Variants in BPTF observed in about 807,000 individuals in gnomAD.
BPTF encodes the protein bromodomain PHD finger transcription factor.
In BPTF, 18 loss-of-function variants were observed where a neutral mutation model predicts 292.5. The ratio of observed to expected loss-of-function variants is 0.06; its 90% CI spans 0.04 to 0.09. BPTF has a LOEUF of 0.09. BPTF is among the 10% of genes least tolerant of loss of function. The pLI, the probability that BPTF is intolerant of heterozygous loss-of-function variation, is 1.00. For synonymous variants in BPTF, 1,225 were observed against 1,251.9 expected (o/e 0.98, Z 0.45); for missense variants, 2,726 against 3,498.7 (o/e 0.78, Z 5.57).
At chr17:67,978,912 C>T (rs1555695465) in intron 27 of BPTF, among the ~76,000 whole-genome samples, 1 of 149,060 alleles carries the variant, frequency 6.7e-6, no homozygotes, top group Non-Finnish European at 1.5e-5. Context: ...CACGGTGGCT[C>T]ATGCCTGTAA....
intron 24 of BPTF, 70 bp from the exon 25 acceptor site, chr17:67,964,142 G>A (rs2067781701): frequency 2.0e-6 from 3 of 1,483,360 alleles, no homozygotes; most frequent in Non-Finnish European, 2.7e-6. Context: ...AAATTTTCAG[G>A]TGCATGCTTT....
intron 15 of BPTF, among the ~76,000 whole-genome samples, chr17:67,927,670 C>G (rs577381487): frequency 1.3e-5 from 2 of 152,266 alleles, no homozygotes; most frequent in African/African-American, 4.8e-5. Context: ...GTTTCTGTCT[C>G]CAATAAGCTT....
Position 67,922,824 on chromosome 17 carries a change from G to T in BPTF, c.5558-16G>T. 4.4e-6 allele frequency: 7 copies of T among 1,581,978 alleles called. No homozygotes were observed. Among genetic ancestry groups the T allele is most frequent in the Non-Finnish European group, 6.0e-6 (7 of 1,171,116 alleles). On this transcript the variant is annotated splice_polypyrimidine_tract_variant and intron_variant, in intron 13 of 27. Transcript: ENST00000306378. ...GAAGCAATATTGCTTAAAATATTCT[G>T]ATTTCCTTTCCAAAGAAACGCCTAC... is the stretch of plus-strand genomic sequence containing the variant.
intron 18 of BPTF, among the ~76,000 whole-genome samples, chr17:67,934,954 A>G (rs560216054): frequency 3.3e-5 from 5 of 152,170 alleles, no homozygotes; most frequent in African/African-American, 7.2e-5. Flanking sequence ...TTACAAAACA[A>G]TTCTCAAATA....
rs752708632 is a variant in BPTF at position 67,912,197 on chromosome 17, C to T, written c.4313C>T (p.Pro1438Leu). The change falls in exon 11 of 28, where the codon CCA becomes CTA. Residue 1438 changes from proline to leucine, a missense_variant. Physicochemically the swap from Pro to Leu is moderately conservative, Grantham distance 98. This residue lies in a region of BPTF where 713 missense variants were observed against 714.9 expected (regional missense o/e 1.00). Transcript: ENST00000306378. ...AGAGTAGTAAGTGGTAATGTTGAAC[C>T]AAAGGTTAATAATATAAATAAAATA... ...ESRVVSGNVE[P>L]KVNNINKIIP... The T allele has an allele frequency of 7.5e-6, 12 of 1,609,654 alleles. No homozygotes were observed. The highest frequency in any genetic ancestry group is 9.3e-6 in the Non-Finnish European group (11 of 1,177,890).
chr17:67,831,705 G>T (rs1457710297), intron 1 of BPTF, among the ~76,000 whole-genome samples: 1 of 152,002 alleles, frequency 6.6e-6, no homozygotes, highest in Admixed American at 6.6e-5. Flanking sequence ...TAGTATTCTG[G>T]GTGACACAGG....
intron 12 of BPTF, among the ~76,000 whole-genome samples, chr17:67,919,111 A>C (rs1203108414): frequency 6.6e-6 from 1 of 150,986 alleles, no homozygotes; most frequent in Non-Finnish European, 1.5e-5. Context: ...GGCGGAGCTT[A>C]CAGTGAGCTG....
chr17:67,877,166 A>G (rs989993057), intron 4 of BPTF, among the ~76,000 whole-genome samples: 4 of 152,246 alleles, frequency 2.6e-5, no homozygotes, highest in South Asian at 2.1e-4. Context: ...TTCAGAATAT[A>G]CTAACGGAGA....
At chr17:67,880,160 A>G (rs57922690) in intron 4 of BPTF, among the ~76,000 whole-genome samples, 2 of 151,954 alleles carry the variant, frequency 1.3e-5, no homozygotes, top group African/African-American at 4.8e-5. Context: ...TCCAATCTGG[A>G]AATTCGTTAC....
At chr17:67,957,233 A>C (rs1481567054) in intron 23 of BPTF, 29 of 152,714 alleles carry the variant, frequency 1.9e-4, no homozygotes, top group African/African-American at 7.0e-4. Context: ...CTGTGAGCCG[A>C]GATCGCGCCA....
Position 67,856,673 on chromosome 17 carries a change from A to G in BPTF, c.1436+1911A>G, listed in dbSNP as rs58396713. 6.9e-3 allele frequency among the ~76,000 whole-genome samples: 1,047 copies of G among 152,260 alleles called. 14 individuals are homozygous for G. The highest frequency in any genetic ancestry group is 0.024 in the African/African-American group (994 of 41,536). ...CTCGAGAGTAAGCTCTAGAGGAGCA[A>G]TGGCATGGAAGGGCCTTTTCCTGTG... is the stretch of plus-strand genomic sequence containing the variant. On this transcript the variant is annotated intron_variant, in intron 2 of 27. Coordinates refer to ENST00000306378, the MANE Select transcript of BPTF (RefSeq NM_182641.4).
intron 2 of BPTF, among the ~76,000 whole-genome samples, chr17:67,857,782 C>CTTTT (rs35999365): frequency 4.8e-3 from 492 of 103,286 alleles, no homozygotes; most frequent in Non-Finnish European, 7.4e-3. Flanking sequence ...ATATTTCTTT[C>CTTTT]TTTTTTTTTT....
intron 15 of BPTF, 38 bp from the exon 16 acceptor site, chr17:67,928,317 C>T (rs778130370): frequency 1.9e-6 from 3 of 1,562,454 alleles, no homozygotes; most frequent in Non-Finnish European, 2.6e-6. Flanking sequence ...TTATTTAGAA[C>T]TATTTTGATT....
rs781911791 is a variant in BPTF at position 67,945,837 on chromosome 17, A to T, written c.7129A>T (p.Ile2377Phe). The change falls in exon 21 of 28, where the codon ATT (isoleucine) becomes TTT (phenylalanine). Residue 2377 changes from isoleucine (I) to phenylalanine (F), a missense_variant. Ile to Phe is a conservative substitution (Grantham distance 21). This residue lies in a region of BPTF where 570 missense variants were observed against 633.5 expected (regional missense o/e 0.90). Transcript: ENST00000306378. ...VQTTTSQPIP[I>F]QPHTSLQIPS... Reference sequence around the variant, plus strand: ...GACTACAACCTCACAACCGATTCCAATTCAACCACATACATCTCTTCAGAT... The same window carrying T: ...GACTACAACCTCACAACCGATTCCATTTCAACCACATACATCTCTTCAGAT... 21 of 1,614,004 alleles carry T rather than the reference A, an allele frequency of 1.3e-5. No homozygotes were observed. Among genetic ancestry groups the T allele is most frequent in the Non-Finnish European group, 1.2e-5 (14 of 1,180,032 alleles).
At position 67,982,782 on chromosome 17, in the gene BPTF, A is replaced by C. The variant is rs1335490311; in HGVS notation, c.*494A>C. On this transcript the variant is annotated 3_prime_UTR_variant, in exon 28 of 28. Transcript: ENST00000306378. ...GCCCCGGTTACATATAATCATCTGTATCTTATCATGATTCCTGTAGGTAAA... is the reference window on the plus strand; with the variant it reads ...GCCCCGGTTACATATAATCATCTGTCTCTTATCATGATTCCTGTAGGTAAA... The C allele has an allele frequency of 6.5e-6, 1 of 153,126 alleles. No individual in the cohort carries two copies. Among genetic ancestry groups the C allele is most frequent in the Non-Finnish European group, 1.5e-5 (1 of 68,476 alleles). The allele number at this position is 153,126 out of a possible 1,614,324, so 9.5% of individuals were successfully genotyped here.
chr17:67,922,880 A>T lies in BPTF; in HGVS notation c.5598A>T (p.Ala1866=). ...TPQRKGLRSS[A]LRPKRPETPK... ...AGAGGAAAGGCCTTCGATCAAGTGC[A>T]CTGCGGCCAAAGAGACCAGAAACGC... The change falls in exon 14 of 28, where the codon GCA becomes GCT. Residue 1866 remains alanine, a synonymous_variant. Transcript: ENST00000306378. 2.5e-6 allele frequency: 4 copies of T among 1,613,974 alleles called. No individual in the cohort carries two copies. The highest frequency in any genetic ancestry group is 3.4e-6 in the Non-Finnish European group (4 of 1,179,970).
At chr17:67,926,106 C>T (rs1598710973) in intron 15 of BPTF, among the ~76,000 whole-genome samples, 1 of 138,630 alleles carries the variant, frequency 7.2e-6, no homozygotes, top group African/African-American at 2.6e-5. Context: ...CTCCTGGGCT[C>T]AAGCAATCTA....
chr17:67,953,183 G>C lies in BPTF; in HGVS notation c.7926+4877G>C, dbSNP rs112365809. 4.1e-3 allele frequency among the ~76,000 whole-genome samples: 618 copies of C among 151,364 alleles called. 5 individuals are homozygous for C. The highest frequency in any genetic ancestry group is 0.014 in the African/African-American group (577 of 41,258). On this transcript the variant is annotated intron_variant, in intron 23 of 27. Transcript: ENST00000306378. ...TCACCATGTTAGCCAGGATGGTCTC[G>C]ATCTCCTGACCTTGTGGTCCACCCA...
At chr17:67,873,472 A>G (rs2059874962) in intron 3 of BPTF, among the ~76,000 whole-genome samples, 1 of 151,980 alleles carries the variant, frequency 6.6e-6, no homozygotes, top group Admixed American at 6.6e-5. Flanking sequence ...AAAAAAAAAA[A>G]AGAAAAAGAA....
Sources: allele counts gnomAD v4.1 joint callset (sites outside exome capture counted in the v4.1 genomes callset), GRCh38; gene constraint gnomAD v4.1.1; regional missense constraint gnomAD v4.1.1; transcripts MANE v1.5; gene names NCBI Gene and HGNC (gene_info 2026-07-23, HGNC 2026-07-21).